Variants in SPIRE1 observed in about 807,000 individuals in gnomAD.
SPIRE1 encodes the protein spire type actin nucleation factor 1, also known as protein spire homolog 1.
Under a neutral mutation model 94.1 loss-of-function variants are expected in SPIRE1, and 40 were observed. The ratio of observed to expected loss-of-function variants is 0.43; its 90% CI spans 0.33 to 0.55. The LOEUF (loss-of-function observed/expected upper bound fraction) is 0.55, where lower values mean the gene tolerates loss of function less well. SPIRE1 is among the 20% of genes least tolerant of loss of function. The pLI is 0.06. For synonymous variants in SPIRE1, 376 were observed against 371.7 expected (o/e 1.01, Z -0.13); for missense variants, 838 against 975.2 (o/e 0.86, Z 1.87).
chr18:12,449,814 T>C lies in SPIRE1; in HGVS notation c.2095A>G (p.Met699Val), dbSNP rs1368889451. Reference protein sequence around the residue: ...PKELMEDWSTMEVCVDCKKFI... With the variant: ...PKELMEDWSTVEVCVDCKKFI... ...TTCTTGCAGTCCACACACACCTCCA[T>C]GGTGCTCCAGTCCTCCATCAACTCT... Residue 699 changes from methionine (M) to valine (V), a missense_variant, in exon 17 of 17, where the codon ATG becomes GTG. By Grantham distance (21) the Met-to-Val change is conservative. This residue lies in a region of SPIRE1 where 645 missense variants were observed against 804.7 expected (regional missense o/e 0.80). Coordinates refer to ENST00000409402, the MANE Select transcript of SPIRE1 (RefSeq NM_001128626.2). 2 of 1,613,990 alleles carry C rather than the reference T, an allele frequency of 1.2e-6. No homozygotes were observed. The highest frequency in any genetic ancestry group is 8.5e-7 in the Non-Finnish European group (1 of 1,180,032).
chr18:12,534,253 G>A lies in SPIRE1; in HGVS notation c.729+1223C>T, dbSNP rs117948825. On this transcript the variant is annotated intron_variant, in intron 4 of 16. Coordinates refer to ENST00000409402, the MANE Select transcript of SPIRE1 (RefSeq NM_001128626.2). Reference sequence around the variant, plus strand: ...ACCAGGGTTAAGTACACCTTATTGGGCAAATAGTTTAGTTTTTCCTTTTTT... The same window carrying A: ...ACCAGGGTTAAGTACACCTTATTGGACAAATAGTTTAGTTTTTCCTTTTTT... 4.5e-3 allele frequency among the ~76,000 whole-genome samples: 679 copies of A among 152,200 alleles called. 3 individuals are homozygous for A. Among genetic ancestry groups the A allele is most frequent in the Admixed American group, 7.1e-3 (108 of 15,272 alleles).
chr18:12,658,496 C>T, upstream of SPIRE1: 1 of 454,410 alleles, frequency 2.2e-6, no homozygotes. Flanking sequence ...CCGGCCGACT[C>T]TGGCGGGGAA....
chr18:12,556,942 T>C (rs953950858), intron 2 of SPIRE1, among the ~76,000 whole-genome samples: 29 of 152,258 alleles, frequency 1.9e-4, no homozygotes, highest in Admixed American at 3.3e-4. Context: ...ATTGGTCCAT[T>C]TCACGGAGAG....
chr18:12,490,665 G>A (rs1378625838), intron 8 of SPIRE1, among the ~76,000 whole-genome samples: 3 of 151,988 alleles, frequency 2.0e-5, no homozygotes, highest in Non-Finnish European at 2.9e-5. Context: ...ATACACCACC[G>A]TAACAGAATA....
At chr18:12,639,504 C>T (rs2038027195) in intron 1 of SPIRE1, among the ~76,000 whole-genome samples, 1 of 152,098 alleles carries the variant, frequency 6.6e-6, no homozygotes, top group South Asian at 2.1e-4. Flanking sequence ...GAGGCCAAGG[C>T]AGGTGGATCA....
rs1567933688 is a variant in SPIRE1 at position 12,559,117 on chromosome 18, C to CGGT, written c.373-12214_373-12213insACC. ...CCCTTGGGCGGTAGATGGGACCAGGCACCTTGGAGCAGGGGGAGGCGCCCC... is the reference window on the plus strand; with the variant it reads ...CCCTTGGGCGGTAGATGGGACCAGGCGGTACCTTGGAGCAGGGGGAGGCGCCCC... On this transcript the variant is annotated intron_variant, in intron 2 of 16. Transcript: ENST00000409402. This position sits in a 1 kb window ranked among gnomAD's most constrained non-coding sequence, Gnocchi z 4.7. Among the ~76,000 whole-genome samples, 1 of 124,792 alleles carries CGGT rather than the reference C, an allele frequency of 8.0e-6. No homozygotes were observed. The highest frequency in any genetic ancestry group is 1.7e-5 in the Non-Finnish European group (1 of 59,042). The allele number at this position is 124,792 out of a possible 152,430, so 81.9% of individuals were successfully genotyped here. A position where few individuals can be genotyped will look rare whatever the true frequency, so the allele number is the denominator to read the frequency against.
At chr18:12,489,886 A>C (rs968729681) in intron 8 of SPIRE1, among the ~76,000 whole-genome samples, 3 of 152,188 alleles carry the variant, frequency 2.0e-5, no homozygotes, top group African/African-American at 7.2e-5. Context: ...TCATCTTTAA[A>C]CATTCAGGCA....
rs149167814 is a variant in SPIRE1, at chr18:12,461,628, T to C, written c.1638+1723A>G. On this transcript the variant is annotated intron_variant, in intron 12 of 16. Transcript: ENST00000409402. ...ACATATACACACACATACACATATG[T>C]GTGTATATATATTTTTAGAGACAGG... Among the ~76,000 whole-genome samples the C allele has an allele frequency of 1.1e-3, 164 of 151,948 alleles. 1 individual carries two copies. The highest frequency in any genetic ancestry group is 6.0e-3 in the East Asian group (31 of 5,164).
intron 10 of SPIRE1, among the ~76,000 whole-genome samples, chr18:12,466,531 C>T (rs2032108915): frequency 6.6e-6 from 1 of 152,100 alleles, no homozygotes. Context: ...CTGCCTGCCT[C>T]AGCCTCCCAA....
chr18:12,561,742 C>T (rs547364007), intron 2 of SPIRE1, among the ~76,000 whole-genome samples: 36 of 152,186 alleles, frequency 2.4e-4, no homozygotes, highest in Middle Eastern at 3.4e-3. Context: ...TGTACTTCTC[C>T]CAAGTGGGAT....
chr18:12,651,845 A>C (rs922533701), intron 1 of SPIRE1, among the ~76,000 whole-genome samples: 1 of 152,156 alleles, frequency 6.6e-6, no homozygotes. Flanking sequence ...ACCCAAACAA[A>C]GCCTGAATGT....
chr18:12,643,776 T>G (rs1373973690), intron 1 of SPIRE1, among the ~76,000 whole-genome samples: 1 of 152,292 alleles, frequency 6.6e-6, no homozygotes, highest in East Asian at 1.9e-4. Context: ...TTACTACATA[T>G]ACTATATATA....
chr18:12,655,428 T>C (rs1018577060), intron 1 of SPIRE1, among the ~76,000 whole-genome samples: 1 of 152,186 alleles, frequency 6.6e-6, no homozygotes, highest in Non-Finnish European at 1.5e-5. Flanking sequence ...GGAAATAAAC[T>C]AATGTTTTAG....
chr18:12,631,131 A>G (rs2037762296), intron 2 of SPIRE1, among the ~76,000 whole-genome samples: 1 of 152,048 alleles, frequency 6.6e-6, no homozygotes, highest in African/African-American at 2.4e-5. Context: ...TACCTCTGCC[A>G]TCTGTGCTCT....
At chr18:12,494,957 G>A (rs2033397120) in intron 7 of SPIRE1, among the ~76,000 whole-genome samples, 1 of 150,822 alleles carries the variant, frequency 6.6e-6, no homozygotes. Flanking sequence ...GGCTGAGGCA[G>A]GAGAATGGCG....
intron 12 of SPIRE1, among the ~76,000 whole-genome samples, chr18:12,457,475 G>A (rs2031566340): frequency 6.6e-6 from 1 of 150,942 alleles, no homozygotes; most frequent in Admixed American, 6.6e-5. Context: ...CCCCACCACG[G>A]CACTGCCTGG....
chr18:12,535,358 A>G, intron 4 of SPIRE1, 118 bp downstream of exon 4: 1 of 1,089,140 alleles, frequency 9.2e-7, no homozygotes, highest in East Asian at 2.6e-5. Flanking sequence ...AAAGGATAGT[A>G]ATAAATCTTT....
rs1466832732 is a variant in SPIRE1 at position 12,446,764 on chromosome 18, T to C, written c.*2874A>G. On this transcript the variant is annotated 3_prime_UTR_variant, in exon 17 of 17. Coordinates refer to ENST00000409402, the MANE Select transcript of SPIRE1 (RefSeq NM_001128626.2). ...TTTGTGTTTCCTATATGACACCTAA[T>C]ATCCAGTCCTACAGTAATATAGTTA... is the stretch of plus-strand genomic sequence containing the variant. 2 of 152,202 alleles carry C rather than the reference T, an allele frequency of 1.3e-5. No individual in the cohort carries two copies. Among genetic ancestry groups the C allele is most frequent in the Non-Finnish European group, 2.9e-5 (2 of 68,034 alleles). The allele number at this position is 152,202 out of a possible 1,614,324, so 9.4% of individuals were successfully genotyped here. A position where few individuals can be genotyped will look rare whatever the true frequency, so the allele number is the denominator to read the frequency against.
chr18:12,569,157 G>A (rs569732122), intron 2 of SPIRE1, among the ~76,000 whole-genome samples: 6 of 152,012 alleles, frequency 3.9e-5, no homozygotes, highest in African/African-American at 9.7e-5. Flanking sequence ...TGGCTAACAC[G>A]GTGAAACCCT....
Sources: allele counts gnomAD v4.1 joint callset (sites outside exome capture counted in the v4.1 genomes callset), GRCh38; gene constraint gnomAD v4.1.1; regional missense constraint gnomAD v4.1.1; non-coding constraint Gnocchi (gnomAD v3.1); transcripts MANE v1.5; gene names NCBI Gene and HGNC (gene_info 2026-07-23, HGNC 2026-07-21).